Variants in PALLD observed in about 807,000 individuals in gnomAD.
PALLD encodes palladin.
A neutral mutation model predicts 123.5 loss-of-function variants in PALLD; 61 were observed. That is an observed-to-expected ratio of 0.49 (90% confidence interval 0.40 to 0.61). The LOEUF is 0.61. Among genes scored for constraint, PALLD ranks in the 20% least tolerant of loss-of-function variants. PALLD has a pLI of 0.00. For synonymous variants in PALLD, 465 were observed against 496.4 expected (o/e 0.94, Z 0.84); for missense variants, 1,273 against 1,377.0 (o/e 0.92, Z 1.20).
intron 10 of PALLD, among the ~76,000 whole-genome samples, chr4:168,719,258 T>A (rs1019403834): frequency 7.0e-6 from 1 of 143,116 alleles, no homozygotes; most frequent in Non-Finnish European, 1.5e-5. Context: ...TCTTCTTTTT[T>A]TTTTTTTTTT....
intron 12 of PALLD, among the ~76,000 whole-genome samples, chr4:168,896,029 G>A (rs982996479): frequency 2.6e-5 from 4 of 152,270 alleles, no homozygotes; most frequent in African/African-American, 9.6e-5. Context: ...GACCAACATG[G>A]TGAAACCCCG....
At chr4:168,721,512 A>T (rs1786016809) in intron 10 of PALLD, among the ~76,000 whole-genome samples, 1 of 152,250 alleles carries the variant, frequency 6.6e-6, no homozygotes, top group Non-Finnish European at 1.5e-5. Context: ...AGAAGAAAAT[A>T]CACCAAAGTG....
chr4:168,709,293 T>C (rs1322663818), intron 9 of PALLD, 146 bp downstream of exon 9: 6 of 797,900 alleles, frequency 7.5e-6, no homozygotes, highest in Admixed American at 2.0e-5. Context: ...GCAGATCACT[T>C]GAGGTGAAGA....
At chr4:168,500,114 A>G (rs980566269) in intron 1 of PALLD, among the ~76,000 whole-genome samples, 1 of 152,210 alleles carries the variant, frequency 6.6e-6, no homozygotes, top group Admixed American at 6.5e-5. Context: ...TAAAATAGAA[A>G]AATAACATCT....
intron 2 of PALLD, among the ~76,000 whole-genome samples, chr4:168,554,367 C>T (rs1486825326): frequency 1.3e-5 from 2 of 152,154 alleles, no homozygotes; most frequent in Middle Eastern, 3.2e-3. Context: ...CTTCAGACCG[C>T]CAATGATTAG....
chr4:168,787,854 G>A (rs1177250516), intron 10 of PALLD, among the ~76,000 whole-genome samples: 1 of 152,228 alleles, frequency 6.6e-6, no homozygotes, highest in African/African-American at 2.4e-5. Context: ...GCTCGAGAGA[G>A]CAGGCATCAA....
rs1227479510 is a variant in PALLD at position 168,905,155 on chromosome 4, T to G, written c.2622+1249T>G. On this transcript the variant is annotated intron_variant, in intron 15 of 21. Coordinates refer to ENST00000505667, the MANE Select transcript of PALLD (RefSeq NM_001166108.2). ...TTTTGTTGGTTTTTTTTTTTTTTTT[T>G]TTTTTTTTTTTTTGAGATGGAATCT... is the stretch of plus-strand genomic sequence containing the variant. Among the ~76,000 whole-genome samples, 16 of 136,386 alleles carry G rather than the reference T, an allele frequency of 1.2e-4. 1 individual carries two copies. Among genetic ancestry groups the G allele is most frequent in the South Asian group, 7.8e-4 (3 of 3,866 alleles). The allele number at this position is 136,386 out of a possible 152,430, so 89.5% of individuals were successfully genotyped here.
At chr4:168,785,016 C>T (rs1736482180) in intron 10 of PALLD, among the ~76,000 whole-genome samples, 1 of 137,014 alleles carries the variant, frequency 7.3e-6, no homozygotes. Context: ...GTGTCCCAGA[C>T]ATTTTCCTTT....
At chr4:168,795,428 A>G (rs1272808882) in intron 10 of PALLD, among the ~76,000 whole-genome samples, 1 of 152,226 alleles carries the variant, frequency 6.6e-6, no homozygotes, top group South Asian at 2.1e-4. Context: ...TTAAGTATAT[A>G]TATGTTGCCA....
At chr4:168,857,855 A>G (rs996312583) in intron 10 of PALLD, among the ~76,000 whole-genome samples, 2 of 152,274 alleles carry the variant, frequency 1.3e-5, no homozygotes, top group Non-Finnish European at 2.9e-5. Flanking sequence ...TTACCATAAC[A>G]CAGGCATATA....
intron 21 of PALLD, chr4:168,925,499 G>A (rs1762400700): frequency 7.4e-6 from 4 of 539,944 alleles, no homozygotes; most frequent in African/African-American, 1.9e-5. Flanking sequence ...CACTCTAAAC[G>A]TGTGTTCCAT....
chr4:168,573,452 A>G (rs1254395917), intron 2 of PALLD, among the ~76,000 whole-genome samples: 1 of 152,084 alleles, frequency 6.6e-6, no homozygotes, highest in Non-Finnish European at 1.5e-5. Flanking sequence ...CTATACCCCC[A>G]GTGTCCAAAA....
At chr4:168,913,267 G>C (rs1759401777) in intron 15 of PALLD, among the ~76,000 whole-genome samples, 1 of 151,534 alleles carries the variant, frequency 6.6e-6, no homozygotes, top group South Asian at 2.1e-4. Flanking sequence ...CTCCCAAGTA[G>C]CTGGGACTAT....
At chr4:168,505,178 C>A (rs1418200627) in intron 1 of PALLD, among the ~76,000 whole-genome samples, 1 of 152,164 alleles carries the variant, frequency 6.6e-6, no homozygotes, top group Non-Finnish European at 1.5e-5. Flanking sequence ...CATGTTCCCG[C>A]GGCAATAACT....
At chr4:168,889,246 C>T (rs1371890499) in intron 10 of PALLD, among the ~76,000 whole-genome samples, 1 of 151,038 alleles carries the variant, frequency 6.6e-6, no homozygotes, top group African/African-American at 2.4e-5. Context: ...TCACTGCAAC[C>T]TCTGCCTCCA....
At chr4:168,738,097 C>G (rs1272128881) in intron 10 of PALLD, among the ~76,000 whole-genome samples, 1 of 152,222 alleles carries the variant, frequency 6.6e-6, no homozygotes, top group Non-Finnish European at 1.5e-5. Context: ...GGCCATTTCA[C>G]TTGGCATTTT....
At chr4:168,924,219 T>A in intron 18 of PALLD, 36 bp from the exon 19 acceptor site, 7 of 1,583,114 alleles carry the variant, frequency 4.4e-6, no homozygotes, top group Middle Eastern at 1.7e-4. Flanking sequence ...TCCTTTTGTA[T>A]ATCATTGATA....
chr4:168,794,513 C>CAG (rs1738195565), intron 10 of PALLD, among the ~76,000 whole-genome samples: 1 of 147,430 alleles, frequency 6.8e-6, no homozygotes, highest in Admixed American at 6.7e-5. Flanking sequence ...CACGCACACA[C>CAG]ACACACACAC....
chr4:168,658,869 C>G (rs538097231), intron 2 of PALLD, among the ~76,000 whole-genome samples: 63 of 152,260 alleles, frequency 4.1e-4, no homozygotes, highest in Middle Eastern at 3.4e-3. Context: ...ATTTATTGGT[C>G]TCTTTGGGGC....
Sources: gnomAD v4.1 joint callset for allele counts (sites outside exome capture counted in the v4.1 genomes callset) on GRCh38, gnomAD v4.1.1 for gene constraint, MANE v1.5 for transcripts, NCBI Gene and HGNC (gene_info 2026-07-23, HGNC 2026-07-21) for gene names.